The following FSTL5 variants were observed in gnomAD, a reference collection of about 807,000 sequenced individuals.
The protein encoded by FSTL5 is follistatin like 5.
Under a neutral mutation model 89.1 loss-of-function variants are expected in FSTL5, and 62 were observed. The ratio of observed to expected loss-of-function variants is 0.70; its 90% CI spans 0.57 to 0.86. FSTL5 has a LOEUF of 0.86. Among genes scored for constraint, FSTL5 ranks in the 40% least tolerant of loss-of-function variants. The pLI is 0.00. For missense variants in FSTL5, 1,057 were observed against 1,001.6 expected (o/e 1.06, Z -0.75); for synonymous variants, 383 against 346.2 (o/e 1.11, Z -1.18).
chr4:161,938,612 T>C (rs1489823965), intron 3 of FSTL5, among the ~76,000 whole-genome samples: 1 of 152,042 alleles, frequency 6.6e-6, no homozygotes, highest in Non-Finnish European at 1.5e-5. Flanking sequence ...ATTGGGTGGT[T>C]GGAATAGTAA....
intron 3 of FSTL5, among the ~76,000 whole-genome samples, chr4:161,939,189 A>G (rs1734511937): frequency 6.6e-6 from 1 of 151,988 alleles, no homozygotes; most frequent in African/African-American, 2.4e-5. Flanking sequence ...AGCAAATTGT[A>G]AAAACATTCA....
chr4:162,032,429 T>A (rs952347378), intron 3 of FSTL5: 1 of 152,146 alleles, frequency 6.6e-6, no homozygotes, highest in East Asian at 1.9e-4. Flanking sequence ...ATTTCGCATA[T>A]AAAATAACAA....
At chr4:162,146,891 C>T (rs887645623) in intron 1 of FSTL5, among the ~76,000 whole-genome samples, 2 of 151,948 alleles carry the variant, frequency 1.3e-5, no homozygotes, top group African/African-American at 4.8e-5. Context: ...GAGTGATTCT[C>T]CTGCCTCAGC....
rs1733298193 is a variant in FSTL5 at position 161,454,999 on chromosome 4, C to T, written c.1841+5G>A. On this transcript the variant is annotated splice_donor_5th_base_variant and intron_variant, in intron 15 of 15. Transcript: ENST00000306100. The stretch of plus-strand genomic sequence containing the variant: ...AAAAAGTTGATCACTCAACTTAGCA[C>T]TTACCTCATATGGGTGATAATGAGT... 1.2e-6 allele frequency: 2 copies of T among 1,612,782 alleles called. No homozygotes were observed. The highest frequency in any genetic ancestry group is 1.7e-6 in the Non-Finnish European group (2 of 1,179,298).
chr4:162,019,053 G>C (rs940286931), intron 3 of FSTL5, among the ~76,000 whole-genome samples: 1 of 151,870 alleles, frequency 6.6e-6, no homozygotes, highest in Non-Finnish European at 1.5e-5. Context: ...GTGTTATTTG[G>C]GACTATACAT....
At chr4:162,145,817 T>C (rs79040362) in intron 1 of FSTL5, among the ~76,000 whole-genome samples, 6,370 of 152,264 alleles carry the variant, frequency 0.042, 145 homozygotes, top group Admixed American at 0.05. Flanking sequence ...GGAAGTTTAA[T>C]GTGGTAAAGC....
chr4:162,109,098 A>G (rs1261843365), intron 2 of FSTL5, among the ~76,000 whole-genome samples: 1 of 152,082 alleles, frequency 6.6e-6, no homozygotes, highest in Non-Finnish European at 1.5e-5. Context: ...CTCACCAATA[A>G]TGCGATGTAT....
intron 4 of FSTL5, among the ~76,000 whole-genome samples, chr4:161,830,737 A>C (rs975143589): frequency 6.6e-6 from 1 of 152,014 alleles, no homozygotes; most frequent in African/African-American, 2.4e-5. Context: ...AGACATCATG[A>C]ACCCCAGAAT....
chr4:161,832,346 A>G (rs1235471011), intron 4 of FSTL5, among the ~76,000 whole-genome samples: 1 of 151,932 alleles, frequency 6.6e-6, no homozygotes, highest in Non-Finnish European at 1.5e-5. Flanking sequence ...ATTATAAGTA[A>G]GAAATGTGTC....
intron 4 of FSTL5, among the ~76,000 whole-genome samples, chr4:161,905,473 T>C (rs1427821330): frequency 1.3e-5 from 2 of 152,168 alleles, no homozygotes; most frequent in African/African-American, 4.8e-5. Flanking sequence ...ACTTTTTATT[T>C]TGGAAAACGA....
chr4:161,461,136 T>C (rs1733555146), intron 13 of FSTL5, among the ~76,000 whole-genome samples: 2 of 151,648 alleles, frequency 1.3e-5, no homozygotes, highest in African/African-American at 4.9e-5. Context: ...GTTTCCAAAG[T>C]CATTTTGAGG....
intron 6 of FSTL5, among the ~76,000 whole-genome samples, chr4:161,719,264 T>C (rs1739108849): frequency 6.6e-6 from 1 of 152,204 alleles, no homozygotes; most frequent in Non-Finnish European, 1.5e-5. Context: ...CTTTATGGTT[T>C]TATTTCTGAG....
rs534288972 is a variant in FSTL5, at chr4:162,004,555, T to C, written c.160+29070A>G. ...TCTTGCGGTTATAACTGGCCACACC[T>C]CCTTCTAGATGCTTATCATTTAGAA... is the stretch of plus-strand genomic sequence containing the variant. On this transcript the variant is annotated intron_variant, in intron 3 of 15. Transcript: ENST00000306100. Among the ~76,000 whole-genome samples, 4 of 152,294 alleles carry C rather than the reference T, an allele frequency of 2.6e-5. No individual in the cohort carries two copies. In the South Asian group the frequency reaches 8.3e-4, roughly 32 times the overall value.
At chr4:161,683,639 C>T (rs1737602202) in intron 6 of FSTL5, among the ~76,000 whole-genome samples, 1 of 152,030 alleles carries the variant, frequency 6.6e-6, no homozygotes, top group Admixed American at 6.6e-5. Flanking sequence ...GAAAATTTTG[C>T]TAAATGTATG....
intron 6 of FSTL5, among the ~76,000 whole-genome samples, chr4:161,750,637 C>T (rs922692001): frequency 6.6e-6 from 1 of 151,916 alleles, no homozygotes; most frequent in African/African-American, 2.4e-5. Context: ...AGAGTGTTAC[C>T]TTCATAATTT....
At chr4:162,077,432 T>C (rs527547527) in intron 2 of FSTL5, among the ~76,000 whole-genome samples, 1 of 152,006 alleles carries the variant, frequency 6.6e-6, no homozygotes, top group Admixed American at 6.6e-5. Context: ...ATTTCTGTCT[T>C]GCTTAAAGAC....
intron 3 of FSTL5, among the ~76,000 whole-genome samples, chr4:162,015,247 G>A (rs1294301512): frequency 6.6e-6 from 1 of 152,120 alleles, no homozygotes; most frequent in Non-Finnish European, 1.5e-5. Flanking sequence ...CATATGCATT[G>A]CAACATTAGT....
intron 15 of FSTL5, among the ~76,000 whole-genome samples, chr4:161,414,766 A>G (rs1193552730): frequency 1.3e-5 from 2 of 152,212 alleles, no homozygotes; most frequent in Non-Finnish European, 2.9e-5. Flanking sequence ...TTTTAAAACA[A>G]TGATATGAAT....
intron 13 of FSTL5, among the ~76,000 whole-genome samples, chr4:161,459,522 T>C (rs1466476246): frequency 6.6e-6 from 1 of 152,100 alleles, no homozygotes; most frequent in Non-Finnish European, 1.5e-5. Context: ...GTATTATCTT[T>C]CTAAATTTTT....
Sources: gnomAD v4.1 joint callset for allele counts (sites outside exome capture counted in the v4.1 genomes callset) on GRCh38, gnomAD v4.1.1 for gene constraint, MANE v1.5 for transcripts, NCBI Gene and HGNC (gene_info 2026-07-23, HGNC 2026-07-21) for gene names.